RFC3: variants seen among roughly 807,000 people sequenced by gnomAD.
The protein encoded by RFC3 is A1 38 kDa subunit.
Under a neutral mutation model 45.1 loss-of-function variants are expected in RFC3, and 41 were observed. The observed-to-expected ratio is 0.91, with a 90% CI of 0.71 to 1.18. The LOEUF (loss-of-function observed/expected upper bound fraction) is 1.18. Among genes scored for constraint, RFC3 ranks in the 50% most tolerant of loss-of-function variants. The probability of loss-of-function intolerance (pLI) is 0.00; values close to 1 mark genes in which losing one functional copy is unlikely to be tolerated. For missense variants in RFC3, 423 were observed against 428.1 expected, an observed-to-expected ratio of 0.99 and a Z score of 0.10; for synonymous variants, 149 against 144.0, an observed-to-expected ratio of 1.03 and a Z score of -0.25.
At chr13:33,846,750 A>G (rs1335333173) in intron 8 of RFC3, 1 of 147,700 alleles carries the variant, frequency 6.8e-6, no homozygotes, top group Non-Finnish European at 1.5e-5. Flanking sequence ...GCTTTAGCCC[A>G]TGATGATGGT....
chr13:33,838,896 CT>C (rs1372975963), downstream of RFC3, among the ~76,000 whole-genome samples: 1 of 151,774 alleles, frequency 6.6e-6, no homozygotes, highest in Non-Finnish European at 1.5e-5. Flanking sequence ...GATGGTTTTT[CT>C]TTTTTTTATT....
intron 3 of RFC3, among the ~76,000 whole-genome samples, chr13:33,825,215 T>A (rs2082038188): frequency 6.6e-6 from 1 of 152,170 alleles, no homozygotes; most frequent in Admixed American, 6.6e-5. Flanking sequence ...AAATGACAGC[T>A]CAATACCTAT....
At chr13:33,854,309 A>G (rs1318195620) in intron 8 of RFC3, among the ~76,000 whole-genome samples, 1 of 152,176 alleles carries the variant, frequency 6.6e-6, no homozygotes, top group Non-Finnish European at 1.5e-5. Context: ...AAGTAAATGG[A>G]AGGGAGCCAC....
chr13:33,964,679 C>T (rs1253114737), intron 8 of RFC3, among the ~76,000 whole-genome samples: 1 of 152,176 alleles, frequency 6.6e-6, no homozygotes, highest in Non-Finnish European at 1.5e-5. Context: ...GACCACATCA[C>T]CAATTGAATA....
chr13:33,895,072 C>G (rs1258036948), intron 8 of RFC3, among the ~76,000 whole-genome samples: 1 of 152,094 alleles, frequency 6.6e-6, no homozygotes, highest in Non-Finnish European at 1.5e-5. Flanking sequence ...CTAGGAAAAA[C>G]ACTTCTGGGG....
chr13:33,852,364 T>G (rs1283673853), intron 8 of RFC3, among the ~76,000 whole-genome samples: 70 of 152,184 alleles, frequency 4.6e-4, no homozygotes, highest in Non-Finnish European at 2.9e-5. Context: ...TCAGGCTTCT[T>G]GCCTGTAAGG....
At chr13:33,830,934 A>G in intron 6 of RFC3, 79 bp downstream of exon 6, 1 of 1,268,468 alleles carries the variant, frequency 7.9e-7, no homozygotes. Flanking sequence ...TGTGGAAGAC[A>G]ATTTTTCCAT....
chr13:33,947,955 C>T (rs921024420), intron 8 of RFC3, among the ~76,000 whole-genome samples: 1 of 152,088 alleles, frequency 6.6e-6, no homozygotes, highest in Non-Finnish European at 1.5e-5. Flanking sequence ...TGCAGCCTGG[C>T]GATGTGATAG....
intron 8 of RFC3, among the ~76,000 whole-genome samples, chr13:33,865,218 C>A (rs2082365596): frequency 1.3e-5 from 2 of 152,014 alleles, no homozygotes; most frequent in African/African-American, 2.4e-5. Flanking sequence ...ATTCAAAACA[C>A]CTGAAAGTTC....
Position 33,836,919 on chromosome 13 carries a change from A to G in RFC3, c.*624A>G, listed in dbSNP as rs2082160127. On this transcript the variant is annotated 3_prime_UTR_variant, in exon 9 of 9. Transcript: ENST00000380071. Reference sequence around the variant, plus strand: ...ATTTAAGTACTTGAGACTCTTGAAGAAAATTCAGAATGAAGTTCTGGAGAA... The same window carrying G: ...ATTTAAGTACTTGAGACTCTTGAAGGAAATTCAGAATGAAGTTCTGGAGAA... 3 of 984,960 alleles carry G rather than the reference A, an allele frequency of 3.0e-6. No homozygotes were observed. Among genetic ancestry groups the G allele is most frequent in the Non-Finnish European group, 3.6e-6 (3 of 829,672 alleles). 61.0% of individuals were successfully genotyped at this position (984,960 alleles called of 1,614,324 possible). A position where few individuals can be genotyped will look rare whatever the true frequency, so the allele number is the denominator to read the frequency against.
chr13:33,927,029 A>G (rs188928232), intron 8 of RFC3, among the ~76,000 whole-genome samples: 2 of 152,162 alleles, frequency 1.3e-5, no homozygotes, highest in Non-Finnish European at 1.5e-5. Context: ...AAATATTTTG[A>G]TAATAGATTA....
At chr13:33,913,202 A>G (rs2082713356) in intron 8 of RFC3, among the ~76,000 whole-genome samples, 1 of 152,070 alleles carries the variant, frequency 6.6e-6, no homozygotes, top group Admixed American at 6.6e-5. Flanking sequence ...CACTCCCTGG[A>G]TAAGGAGATC....
intron 8 of RFC3, among the ~76,000 whole-genome samples, chr13:33,933,174 T>G (rs2082863307): frequency 6.6e-6 from 1 of 152,162 alleles, no homozygotes; most frequent in Non-Finnish European, 1.5e-5. Flanking sequence ...TGTGGTCGTC[T>G]TTCTTTTTTC....
chr13:33,833,217 TG>T (rs1177505189), intron 7 of RFC3, among the ~76,000 whole-genome samples: 2 of 152,212 alleles, frequency 1.3e-5, no homozygotes, highest in Non-Finnish European at 2.9e-5. Flanking sequence ...GGAATATTTG[TG>T]GTCTCGATTT....
At chr13:33,914,568 A>G (rs756239093) in intron 8 of RFC3, among the ~76,000 whole-genome samples, 2 of 152,156 alleles carry the variant, frequency 1.3e-5, no homozygotes, top group Non-Finnish European at 2.9e-5. Flanking sequence ...TGGTCCAGGA[A>G]TCTCACCTCC....
intron 8 of RFC3, among the ~76,000 whole-genome samples, chr13:33,924,620 A>T (rs1376374154): frequency 1.3e-5 from 2 of 149,962 alleles, no homozygotes; most frequent in East Asian, 3.9e-4. Flanking sequence ...GTAAATATAT[A>T]TACACACCAT....
chr13:33,838,811 G>A (rs898978045), downstream of RFC3, among the ~76,000 whole-genome samples: 4 of 152,104 alleles, frequency 2.6e-5, no homozygotes, highest in African/African-American at 9.7e-5. Flanking sequence ...ATTTTTGGCT[G>A]AAAACTTGAC....
chr13:33,927,654 C>T (rs72621260), intron 8 of RFC3, among the ~76,000 whole-genome samples: 10,085 of 152,148 alleles, frequency 0.066, 513 homozygotes, highest in African/African-American at 0.14. Context: ...GGCCCTGGCT[C>T]CATTTTGCCA....
intron 8 of RFC3, among the ~76,000 whole-genome samples, chr13:33,946,280 A>C (rs1166487461): frequency 6.6e-6 from 1 of 152,176 alleles, no homozygotes; most frequent in East Asian, 1.9e-4. Context: ...AACCAGCTCA[A>C]CCATTGTCAA....
Sources: allele counts gnomAD v4.1 joint callset (sites outside exome capture counted in the v4.1 genomes callset), GRCh38; gene constraint gnomAD v4.1.1; transcripts MANE v1.5; gene names NCBI Gene and HGNC (gene_info 2026-07-23, HGNC 2026-07-21).